The following PIEZO2 variants were observed in gnomAD, a reference collection of about 807,000 sequenced individuals.
The protein encoded by PIEZO2 is piezo-type mechanosensitive ion channel component 2.
Under a neutral mutation model 337.3 loss-of-function variants are expected in PIEZO2, and 172 were observed. That is an observed-to-expected ratio of 0.51 (90% CI 0.45 to 0.58). The LOEUF is 0.58. Among genes scored for constraint, PIEZO2 ranks in the 20% least tolerant of loss-of-function variants. The pLI, the probability that PIEZO2 is intolerant of heterozygous loss-of-function variation, is 0.00. For missense variants in PIEZO2, 3,028 were observed against 3,391.3 expected (o/e 0.89, Z 2.66); for synonymous variants, 1,251 against 1,228.5 (o/e 1.02, Z -0.38).
chr18:11,006,741 G>T (rs1382642260), intron 2 of PIEZO2, among the ~76,000 whole-genome samples: 1 of 151,124 alleles, frequency 6.6e-6, no homozygotes, highest in Non-Finnish European at 1.5e-5. Context: ...TCCTTCTTTG[G>T]TATATGAATC....
chr18:11,134,748 A>T (rs1269213732), intron 1 of PIEZO2, among the ~76,000 whole-genome samples: 1 of 152,236 alleles, frequency 6.6e-6, no homozygotes, highest in Admixed American at 6.5e-5. Context: ...TTTCTCAAAA[A>T]GACCTAATCA....
chr18:10,791,239 G>A lies in PIEZO2; in HGVS notation c.1844C>T (p.Ser615Leu). ...TTCCTGACTGCCAATTTTGACTTCC[G>A]ATAAAAGAGCTTCCTTTTCTTGCAG... ...KALQEKEALL[S>L]EVKIGSQENE... is the part of the protein sequence containing the mutation. The change falls in exon 14 of 56, where the codon TCG (serine) becomes TTG (leucine). Residue 615 changes from serine (S) to leucine (L), a missense_variant. Ser to Leu is a moderately radical substitution (Grantham distance 145). Around this residue, in one of 5 missense-constraint regions of PIEZO2, gnomAD observed 1,925 missense variants for 2,051.9 expected, o/e 0.94. Coordinates refer to ENST00000674853, the MANE Select transcript of PIEZO2 (RefSeq NM_001378183.1). The A allele has an allele frequency of 1.3e-6, 2 of 1,535,922 alleles. No homozygotes were observed. The highest frequency in any genetic ancestry group is 1.4e-5 in the African/African-American group (1 of 73,066).
intron 11 of PIEZO2, 41 bp from the exon 12 acceptor site, chr18:10,797,563 T>A: frequency 6.5e-7 from 1 of 1,532,942 alleles, no homozygotes; most frequent in Non-Finnish European, 8.7e-7. Context: ...TATGCAAACA[T>A]GTGACATTTG....
chr18:10,712,495 A>C (rs2035859810), intron 39 of PIEZO2, among the ~76,000 whole-genome samples: 1 of 152,252 alleles, frequency 6.6e-6, no homozygotes, highest in South Asian at 2.1e-4. Flanking sequence ...TAAATAGAAC[A>C]GTTATAATAG....
chr18:10,876,587 CT>C (rs1362585328), intron 4 of PIEZO2, among the ~76,000 whole-genome samples: 1 of 152,216 alleles, frequency 6.6e-6, no homozygotes, highest in African/African-American at 2.4e-5. Context: ...AATCACCCAA[CT>C]ACCCATCCGT....
chr18:10,791,449 CAG>C lies in PIEZO2; in HGVS notation c.1759-127_1759-126del, dbSNP rs2039408654. The C allele has an allele frequency of 1.3e-5, 14 of 1,101,710 alleles. No individual in the cohort carries two copies. In the South Asian group the frequency reaches 2.3e-4, roughly 18 times the overall value. 68.2% of individuals were successfully genotyped at this position (1,101,710 alleles called of 1,614,324 possible). A position where few individuals can be genotyped will look rare whatever the true frequency, so the allele number is the denominator to read the frequency against. On this transcript the variant is annotated intron_variant, in intron 13 of 55. Transcript: ENST00000674853. ...AATAAATAAACCTTTTTATTGGAGA[CAG>C]AGTCAGGTCACCTGCTTGACTTCAG... is the stretch of plus-strand genomic sequence containing the variant.
At chr18:11,034,810 A>C (rs964388020) in intron 2 of PIEZO2, among the ~76,000 whole-genome samples, 15 of 152,116 alleles carry the variant, frequency 9.9e-5, no homozygotes, top group African/African-American at 3.6e-4. Context: ...GCGCCATTGC[A>C]CTCCAGCCTG....
intron 1 of PIEZO2, among the ~76,000 whole-genome samples, chr18:11,147,666 G>A (rs1024007461): frequency 2.0e-5 from 3 of 152,222 alleles, no homozygotes; most frequent in Admixed American, 1.3e-4. Flanking sequence ...GCATTCTTAC[G>A]AGAGGAATTC....
intron 2 of PIEZO2, among the ~76,000 whole-genome samples, chr18:11,053,059 C>T (rs1182095835): frequency 1.3e-5 from 2 of 152,168 alleles, no homozygotes; most frequent in Non-Finnish European, 2.9e-5. Flanking sequence ...CTGCAGCTTG[C>T]TATGAACCCA....
chr18:11,060,017 C>T (rs1363141673), intron 2 of PIEZO2, among the ~76,000 whole-genome samples: 1 of 152,136 alleles, frequency 6.6e-6, no homozygotes, highest in Non-Finnish European at 1.5e-5. Flanking sequence ...GTAAAGCACT[C>T]CTCAGCAAAT....
Position 11,047,627 on chromosome 18 carries a change from A to G in PIEZO2, c.160+18500T>C, listed in dbSNP as rs2037363502. ...CTTTCAGACACCAACACTCCAGGCA[A>G]TAGGGAGAATCGAAGTCTTGGTCCT... On this transcript the variant is annotated intron_variant, in intron 2 of 55. Transcript: ENST00000674853. The surrounding 1 kb of genome is among the most constrained non-coding windows in gnomAD (Gnocchi z 7.2). Among the ~76,000 whole-genome samples the G allele has an allele frequency of 6.6e-6, 1 of 152,134 alleles. No individual in the cohort carries two copies. Among genetic ancestry groups the G allele is most frequent in the Admixed American group, 6.5e-5 (1 of 15,284 alleles).
chr18:10,858,379 A>ATT (rs2041784933), intron 5 of PIEZO2, among the ~76,000 whole-genome samples: 1 of 151,774 alleles, frequency 6.6e-6, no homozygotes, highest in Non-Finnish European at 1.5e-5. Context: ...ATCATAAATA[A>ATT]AGCCATCACC....
At chr18:10,997,482 C>A (rs1229385453) in intron 2 of PIEZO2, among the ~76,000 whole-genome samples, 1 of 152,064 alleles carries the variant, frequency 6.6e-6, no homozygotes, top group African/African-American at 2.4e-5. Flanking sequence ...GATTTTAAAC[C>A]AACCATTATA....
rs906758615 is a variant in PIEZO2, at chr18:10,863,665, C to A, written c.493-6454G>T. 7.2e-5 allele frequency among the ~76,000 whole-genome samples: 11 copies of A among 152,110 alleles called. No individual in the cohort carries two copies. The highest frequency in any genetic ancestry group is 2.7e-4 in the African/African-American group (11 of 41,402). Reference sequence around the variant, plus strand: ...CATAGGTCTGGGAACTATTCTGACCCTGCACTTGAACTTTTTTAAAACTTC... The same window carrying A: ...CATAGGTCTGGGAACTATTCTGACCATGCACTTGAACTTTTTTAAAACTTC... On this transcript the variant is annotated intron_variant, in intron 5 of 55. Coordinates refer to ENST00000674853, the MANE Select transcript of PIEZO2 (RefSeq NM_001378183.1). The surrounding 1 kb of genome is among the most constrained non-coding windows in gnomAD (Gnocchi z 4.3).
At chr18:10,797,548 CTATT>C (rs751118418) in intron 11 of PIEZO2, 26 bp from the exon 12 acceptor site, 3 of 1,534,930 alleles carry the variant, frequency 2.0e-6, no homozygotes, top group Non-Finnish European at 2.6e-6. Flanking sequence ...CTTTATTTAA[CTATT>C]TATGCAAACA....
In PIEZO2 at chr18:10,713,179, T is replaced by C. The variant is rs573595499; in HGVS notation, c.5423+1585A>G. Among the ~76,000 whole-genome samples, 2 of 152,284 alleles carry C rather than the reference T, an allele frequency of 1.3e-5. No individual in the cohort carries two copies. The highest frequency in any genetic ancestry group is 4.1e-4 in the South Asian group (2 of 4,832). ...CTTATTTTAAAACTTGGATTTTTAC[T>C]AAATATATGTATATATTTTACTGTG... On this transcript the variant is annotated intron_variant, in intron 39 of 55. Transcript: ENST00000674853. The surrounding 1 kb of genome is among the most constrained non-coding windows in gnomAD (Gnocchi z 4.5).
In PIEZO2 at chr18:10,726,014, C is replaced by G. The variant is rs756483273; in HGVS notation, c.5029+5393G>C. On this transcript the variant is annotated intron_variant, in intron 36 of 55. Coordinates refer to ENST00000674853, the MANE Select transcript of PIEZO2 (RefSeq NM_001378183.1). This position sits in a 1 kb window ranked among gnomAD's most constrained non-coding sequence, Gnocchi z 5.9. ...TACCGAAGGCATCAGCGTGACTGTT[C>G]AGAATAATATGGGCACCCAGGATGT... is the stretch of plus-strand genomic sequence containing the variant. Among the ~76,000 whole-genome samples, 1 of 152,158 alleles carries G rather than the reference C, an allele frequency of 6.6e-6. No homozygotes were observed. Among genetic ancestry groups the G allele is most frequent in the Middle Eastern group, 3.2e-3 (1 of 316 alleles).
intron 39 of PIEZO2, among the ~76,000 whole-genome samples, chr18:10,711,507 G>T (rs2035818826): frequency 6.6e-6 from 1 of 151,870 alleles, no homozygotes; most frequent in Non-Finnish European, 1.5e-5. Context: ...TTCAAAAGAG[G>T]TTCATTAAAA....
At chr18:10,729,176 A>C (rs1394532710) in intron 36 of PIEZO2, among the ~76,000 whole-genome samples, 1 of 152,208 alleles carries the variant, frequency 6.6e-6, no homozygotes, top group African/African-American at 2.4e-5. Context: ...TTAAAGCAAT[A>C]AAGTAAGATA....
Sources: allele counts gnomAD v4.1 joint callset (sites outside exome capture counted in the v4.1 genomes callset), GRCh38; gene constraint gnomAD v4.1.1; regional missense constraint gnomAD v4.1.1; non-coding constraint Gnocchi (gnomAD v3.1); transcripts MANE v1.5; gene names NCBI Gene and HGNC (gene_info 2026-07-23, HGNC 2026-07-21).